The following PPM1G variants were observed in gnomAD, a reference collection of about 807,000 sequenced individuals.
PPM1G encodes protein phosphatase, Mg2+/Mn2+ dependent 1G, also known as protein phosphatase 1G.
PPM1G carries 12 observed loss-of-function variants against 59.4 expected under a neutral mutation model. The observed-to-expected ratio is 0.20, with a 90% CI of 0.13 to 0.33. The LOEUF (loss-of-function observed/expected upper bound fraction) is 0.33, where lower values mean the gene tolerates loss of function less well. PPM1G is among the 10% of genes least tolerant of loss of function. PPM1G has a pLI of 1.00. For missense variants in PPM1G, 392 were observed against 681.3 expected (o/e 0.58, Z 4.73); for synonymous variants, 245 against 251.9 (o/e 0.97, Z 0.26).
intron 1 of PPM1G, chr2:27,392,899 A>C: frequency 2.8e-6 from 4 of 1,429,194 alleles, no homozygotes; most frequent in Non-Finnish European, 3.9e-6. Context: ...CAATTCTTTG[A>C]TGGCCTTCAC....
chr2:27,391,736 CTTT>C (rs1399370496), intron 1 of PPM1G, among the ~76,000 whole-genome samples: 1 of 140,764 alleles, frequency 7.1e-6, no homozygotes, highest in Non-Finnish European at 1.6e-5. Flanking sequence ...TTTTTTCTTT[CTTT>C]TTTTTTTTTT....
chr2:27,381,244 C>T lies in PPM1G; in HGVS notation c.*355G>A. 2.7e-6 allele frequency: 1 copy of T among 365,698 alleles called. No homozygotes were observed. Among genetic ancestry groups the T allele is most frequent in the South Asian group, 3.1e-5 (1 of 32,592 alleles). The allele number at this position is 365,698 out of a possible 1,614,324, so 22.7% of individuals were successfully genotyped here. ...TGAAAAAGTGTTGATTGAAAGTGTA[C>T]AACAGAGAGCGGGTGCAAGCGGCCG... is the stretch of plus-strand genomic sequence containing the variant. On this transcript the variant is annotated 3_prime_UTR_variant, in exon 10 of 10. Coordinates refer to ENST00000344034, the MANE Select transcript of PPM1G (RefSeq NM_177983.3).
intron 1 of PPM1G, among the ~76,000 whole-genome samples, chr2:27,396,932 C>T (rs183628627): frequency 2.2e-3 from 341 of 152,068 alleles, no homozygotes; most frequent in Non-Finnish European, 3.5e-3. Flanking sequence ...TACAATGGCA[C>T]GATCTAGGCT....
At position 27,384,688 on chromosome 2, in the gene PPM1G, T is replaced by C. The variant is rs1683719390; in HGVS notation, c.810A>G (p.Glu270=). 2 of 1,607,720 alleles carry C rather than the reference T, an allele frequency of 1.2e-6. No homozygotes were observed. Among genetic ancestry groups the C allele is most frequent in the Non-Finnish European group, 1.7e-6 (2 of 1,174,710 alleles). The change falls in exon 5 of 10, where the codon GAA becomes GAG. Residue 270 remains glutamate (E), a synonymous_variant. Transcript: ENST00000344034. This position sits in a 1 kb window ranked among gnomAD's most constrained non-coding sequence, Gnocchi z 4.8. ...SEDESDEAEE[E]EEDSEECSEE... is the part of the protein sequence containing the mutation. ...AGGCCCTTACCTCACTGTCTTCCTC[T>C]TCTTCCTCCGCCTCATCTGACTCAT...
intron 1 of PPM1G, among the ~76,000 whole-genome samples, chr2:27,402,303 C>A (rs746200087): frequency 6.6e-6 from 1 of 152,136 alleles, no homozygotes; most frequent in African/African-American, 2.4e-5. Flanking sequence ...GTATAAATTT[C>A]TATGTTCAAA....
intron 1 of PPM1G, among the ~76,000 whole-genome samples, chr2:27,390,913 C>T (rs1683885385): frequency 6.6e-6 from 1 of 151,942 alleles, no homozygotes; most frequent in South Asian, 2.1e-4. Flanking sequence ...CCCACTCTCA[C>T]TGCGTGAGAA....
chr2:27,384,722 T>C lies in PPM1G; in HGVS notation c.776A>G (p.Asp259Gly). The change falls in exon 5 of 10, where the codon GAC (aspartate) becomes GGC (glycine). Residue 259 changes from aspartate (D) to glycine (G), a missense_variant. Asp to Gly is a moderately conservative substitution (Grantham distance 94). Coordinates refer to ENST00000344034, the MANE Select transcript of PPM1G (RefSeq NM_177983.3). This position sits in a 1 kb window ranked among gnomAD's most constrained non-coding sequence, Gnocchi z 4.8. ...CGCCTCATCTGACTCATCCTCACTG[T>C]CCTCAAAGAACTTGGACTTAGCAAC... is the stretch of plus-strand genomic sequence containing the variant. Reference protein sequence around the residue: ...PRVAKSKFFEDSEDESDEAEE... With the variant: ...PRVAKSKFFEGSEDESDEAEE... 6.2e-7 allele frequency: 1 copy of C among 1,614,068 alleles called. No individual in the cohort carries two copies. The highest frequency in any genetic ancestry group is 8.5e-7 in the Non-Finnish European group (1 of 1,179,932).
At chr2:27,393,378 A>G (rs1683966764) in intron 1 of PPM1G, 1 of 1,528,776 alleles carries the variant, frequency 6.5e-7, no homozygotes, top group South Asian at 1.1e-5. Context: ...GCCGGCGACT[A>G]AGGAGAGGCG....
rs1177576596 is a variant in PPM1G, at chr2:27,382,495, T to C, written c.1312A>G (p.Ile438Val). The change falls in exon 8 of 10, where the codon ATT (isoleucine) becomes GTT (valine). Residue 438 changes from isoleucine (I) to valine (V), a missense_variant. This residue lies in a region of PPM1G where 53 missense variants were observed against 175.4 expected (regional missense o/e 0.30). Coordinates refer to ENST00000344034, the MANE Select transcript of PPM1G (RefSeq NM_177983.3). The surrounding 1 kb of genome is among the most constrained non-coding windows in gnomAD (Gnocchi z 4.2). ...TLTDDHEFMVIACDGIWNVMS... is the reference protein window; with the variant it reads ...TLTDDHEFMVVACDGIWNVMS... ...GCTCACCAGATGCCATCACAGGCAATGACCATGAATTCATGGTCGTCAGTG... is the reference window on the plus strand; with the variant it reads ...GCTCACCAGATGCCATCACAGGCAACGACCATGAATTCATGGTCGTCAGTG... 2 of 1,614,080 alleles carry C rather than the reference T, an allele frequency of 1.2e-6. No homozygotes were observed. The highest frequency in any genetic ancestry group is 8.5e-7 in the Non-Finnish European group (1 of 1,180,052).
chr2:27,395,374 A>G (rs1249967843), intron 1 of PPM1G, among the ~76,000 whole-genome samples: 1 of 152,110 alleles, frequency 6.6e-6, no homozygotes, highest in Non-Finnish European at 1.5e-5. Flanking sequence ...TCTACTAAAA[A>G]TACAAAAATA....
In PPM1G at chr2:27,385,280, T is replaced by C; in HGVS notation, c.410-192A>G. ...CACAGACTTCTTTTGGTTTTTGTGT[T>C]TCATCCCCTTCTTAATCAAAACAAC... On this transcript the variant is annotated intron_variant, in intron 4 of 9. Coordinates refer to ENST00000344034, the MANE Select transcript of PPM1G (RefSeq NM_177983.3). The surrounding 1 kb of genome is among the most constrained non-coding windows in gnomAD (Gnocchi z 4.1). The C allele has an allele frequency of 1.7e-6, 1 of 582,388 alleles. No homozygotes were observed. The highest frequency in any genetic ancestry group is 2.9e-6 in the Non-Finnish European group (1 of 347,058). The allele number at this position is 582,388 out of a possible 1,614,324, so 36.1% of individuals were successfully genotyped here. A position where few individuals can be genotyped will look rare whatever the true frequency, so the allele number is the denominator to read the frequency against.
At chr2:27,388,403 C>T (rs537752289) in intron 1 of PPM1G, among the ~76,000 whole-genome samples, 7 of 151,760 alleles carry the variant, frequency 4.6e-5, no homozygotes, top group South Asian at 4.2e-4. Context: ...AGTCAGACTC[C>T]GTCTCTAAAT....
intron 1 of PPM1G, chr2:27,392,919 C>A: frequency 7.0e-7 from 1 of 1,424,664 alleles, no homozygotes; most frequent in Non-Finnish European, 9.8e-7. Context: ...CTTGTTCATT[C>A]AGGTAATGTG....
At chr2:27,392,247 T>C (rs894267121) in intron 1 of PPM1G, among the ~76,000 whole-genome samples, 1 of 151,762 alleles carries the variant, frequency 6.6e-6, no homozygotes, top group Non-Finnish European at 1.5e-5. Context: ...CTTCATCATG[T>C]TGTTGTTCCT....
rs1048753961 is a variant in PPM1G at position 27,395,840 on chromosome 2, C to CAA, written c.121-8684_121-8683dup. Reference sequence around the variant, plus strand: ...AGCATGAGCAAGAATAAGACCGTCTCAAAAAAAAAAAAAAAGAAAAAGGAA... The same window carrying CAA: ...AGCATGAGCAAGAATAAGACCGTCTCAAAAAAAAAAAAAAAAAGAAAAAGGAA... On this transcript the variant is annotated intron_variant, in intron 1 of 9. Coordinates refer to ENST00000344034, the MANE Select transcript of PPM1G (RefSeq NM_177983.3). Among the ~76,000 whole-genome samples, 284 of 57,108 alleles carry CAA rather than the reference C, an allele frequency of 5.0e-3. 2 individuals are homozygous for CAA. The highest frequency in any genetic ancestry group is 0.017 in the Middle Eastern group (1 of 58). 37.5% of individuals were successfully genotyped at this position (57,108 alleles called of 152,430 possible).
intron 1 of PPM1G, among the ~76,000 whole-genome samples, chr2:27,388,870 G>A (rs1248099439): frequency 7.6e-5 from 8 of 105,186 alleles, no homozygotes; most frequent in East Asian, 4.1e-4. Flanking sequence ...GCAAGACTCC[G>A]TCTCAAAAAA....
chr2:27,381,713 G>A lies in PPM1G; in HGVS notation c.1527C>T (p.Asn509=). ...TCIIICFKPR[N]TAELQPESGK... ...CACTCTCTGGCTGGAGCTCTGCTGT[G>A]TTTCGGGGCTTGAAGCAAATGATGA... is the stretch of plus-strand genomic sequence containing the variant. The change falls in exon 10 of 10, where the codon AAC becomes AAT. Residue 509 remains asparagine (N), a synonymous_variant. Transcript: ENST00000344034. The A allele has an allele frequency of 1.2e-6, 2 of 1,614,020 alleles. No individual in the cohort carries two copies. The highest frequency in any genetic ancestry group is 1.7e-6 in the Non-Finnish European group (2 of 1,180,020).
intron 1 of PPM1G, among the ~76,000 whole-genome samples, chr2:27,407,813 C>A (rs746408366): frequency 6.6e-5 from 10 of 152,010 alleles, no homozygotes; most frequent in Non-Finnish European, 1.2e-4. Flanking sequence ...CTTTGGGAGA[C>A]CGAGGCAGGC....
At chr2:27,391,736 CT>C (rs1399370496) in intron 1 of PPM1G, among the ~76,000 whole-genome samples, 287 of 140,626 alleles carry the variant, frequency 2.0e-3, no homozygotes, top group Non-Finnish European at 2.2e-3. Context: ...TTTTTTCTTT[CT>C]TTTTTTTTTT....
Sources: allele counts gnomAD v4.1 joint callset (sites outside exome capture counted in the v4.1 genomes callset), GRCh38; gene constraint gnomAD v4.1.1; regional missense constraint gnomAD v4.1.1; non-coding constraint Gnocchi (gnomAD v3.1); transcripts MANE v1.5; gene names NCBI Gene and HGNC (gene_info 2026-07-23, HGNC 2026-07-21).